EDARADD: variants seen among roughly 807,000 people sequenced by gnomAD.
The protein encoded by EDARADD is ectodysplasin-A receptor-associated adapter protein.
In EDARADD, 20 loss-of-function variants were observed where a neutral mutation model predicts 25.6. The ratio of observed to expected loss-of-function variants is 0.78; its 90% CI spans 0.55 to 1.14. The LOEUF is 1.14. EDARADD is among the 50% of genes most tolerant of loss of function. The probability of loss-of-function intolerance (pLI) is 0.00; values close to 1 mark genes in which losing one functional copy is unlikely to be tolerated. For missense variants in EDARADD, 225 were observed against 270.1 expected, an observed-to-expected ratio of 0.83 and a Z score of 1.17; for synonymous variants, 86 against 94.4, an observed-to-expected ratio of 0.91 and a Z score of 0.52.
intron 3 of EDARADD, among the ~76,000 whole-genome samples, chr1:236,422,691 G>A (rs1318483056): frequency 2.0e-5 from 3 of 152,138 alleles, no homozygotes; most frequent in African/African-American, 7.2e-5. Context: ...TGCTTTGAAG[G>A]GGCTCCCCAG....
At chr1:236,364,796 C>T (rs867809655) in intron 3 of EDARADD, among the ~76,000 whole-genome samples, 1 of 152,298 alleles carries the variant, frequency 6.6e-6, no homozygotes, top group Non-Finnish European at 1.5e-5. Context: ...TTTGTAGAAT[C>T]TATCACATTT....
intron 3 of EDARADD, among the ~76,000 whole-genome samples, chr1:236,357,872 T>A (rs932752635): frequency 5.8e-4 from 82 of 140,800 alleles, no homozygotes; most frequent in East Asian, 1.7e-3. Flanking sequence ...AACTTTATTT[T>A]ATTTAATTTT....
At chr1:236,439,528 C>A (rs1379914269) in intron 4 of EDARADD, among the ~76,000 whole-genome samples, 1 of 152,134 alleles carries the variant, frequency 6.6e-6, no homozygotes, top group East Asian at 1.9e-4. Flanking sequence ...TGTCAGTGTT[C>A]TGGATTTTAG....
At chr1:236,418,079 G>A (rs1383915070) in intron 3 of EDARADD, among the ~76,000 whole-genome samples, 1 of 151,318 alleles carries the variant, frequency 6.6e-6, no homozygotes, top group African/African-American at 2.4e-5. Flanking sequence ...TCAGCCTCCC[G>A]AATAGCTGGG....
chr1:236,401,538 T>A (rs570749247), intron 1 of EDARADD, among the ~76,000 whole-genome samples: 2 of 152,232 alleles, frequency 1.3e-5, no homozygotes, highest in African/African-American at 2.4e-5. Flanking sequence ...TTGCATACAG[T>A]ACGTGTTTCC....
intron 3 of EDARADD, among the ~76,000 whole-genome samples, chr1:236,370,907 C>T (rs1347700508): frequency 6.6e-6 from 1 of 152,178 alleles, no homozygotes; most frequent in Non-Finnish European, 1.5e-5. Context: ...AAACTATAAA[C>T]TAAGTTTCTT....
At chr1:236,353,010 TAAA>T (rs71559946) in intron 3 of EDARADD, among the ~76,000 whole-genome samples, 23,338 of 148,798 alleles carry the variant, frequency 0.16, 2,306 homozygotes, top group East Asian at 0.43. Flanking sequence ...ACTCCGTCTC[TAAA>T]AAAAAAACAA....
At chr1:236,388,883 G>A (rs1667388136) in intron 3 of EDARADD, among the ~76,000 whole-genome samples, 1 of 152,188 alleles carries the variant, frequency 6.6e-6, no homozygotes, top group Non-Finnish European at 1.5e-5. Flanking sequence ...TTACCAGTCT[G>A]AGCCTGTGTT....
chr1:236,361,634 T>TA (rs1187799104), intron 3 of EDARADD, among the ~76,000 whole-genome samples: 8 of 141,474 alleles, frequency 5.7e-5, no homozygotes, highest in Admixed American at 2.2e-4. Context: ...ACAGCCAAAT[T>TA]TTATATATAT....
rs139202506 is a variant in EDARADD, at chr1:236,358,917, G to A, written c.-6+8078G>A. Among the ~76,000 whole-genome samples the A allele has an allele frequency of 6.9e-3, 1,052 of 152,260 alleles. 12 individuals are homozygous for A. The highest frequency in any genetic ancestry group is 0.024 in the African/African-American group (998 of 41,548). ...TGATCCAGAGCTGAGTTCATGTCCT[G>A]AATACCTTTGTTAATTTTCTGTCTT... On this transcript the variant is annotated intron_variant, in intron 3 of 7. Transcript: ENST00000439430.
intron 4 of EDARADD, among the ~76,000 whole-genome samples, chr1:236,431,246 T>C (rs1252452119): frequency 6.6e-6 from 1 of 152,206 alleles, no homozygotes; most frequent in Non-Finnish European, 1.5e-5. Flanking sequence ...TTATTTGAGC[T>C]TCCTTTTTCG....
chr1:236,467,383 G>A (rs928263810), intron 4 of EDARADD, among the ~76,000 whole-genome samples: 5 of 150,594 alleles, frequency 3.3e-5, no homozygotes, highest in Admixed American at 2.7e-4. Flanking sequence ...AGGTGTACTG[G>A]GACTGGTCTC....
At position 236,468,224 on chromosome 1, in the gene EDARADD, T is replaced by A; in HGVS notation, c.220-7T>A. On this transcript the variant is annotated splice_region_variant and splice_polypyrimidine_tract_variant and intron_variant, in intron 4 of 5. Coordinates refer to ENST00000334232, the MANE Select transcript of EDARADD (RefSeq NM_145861.4). ...GATTTTAATGAAGGTTGCTTTTTGG[T>A]TTTTAGGGAGAAGAAAATGGCTTTC... 1 of 1,613,520 alleles carries A rather than the reference T, an allele frequency of 6.2e-7. No individual in the cohort carries two copies. The highest frequency in any genetic ancestry group is 8.5e-7 in the Non-Finnish European group (1 of 1,179,490).
chr1:236,377,474 T>A (rs1667236694), intron 3 of EDARADD, among the ~76,000 whole-genome samples: 1 of 149,432 alleles, frequency 6.7e-6, no homozygotes, highest in African/African-American at 2.4e-5. Flanking sequence ...AACAAATTAA[T>A]AATAGTTATT....
chr1:236,382,738 G>T (rs1020351349), intron 3 of EDARADD, among the ~76,000 whole-genome samples: 36 of 152,106 alleles, frequency 2.4e-4, no homozygotes, highest in African/African-American at 8.7e-4. Context: ...ACCCTTTTGT[G>T]TACTCTACCA....
chr1:236,376,313 A>G (rs1465653886), intron 3 of EDARADD, among the ~76,000 whole-genome samples: 1 of 152,090 alleles, frequency 6.6e-6, no homozygotes, highest in African/African-American at 2.4e-5. Flanking sequence ...TTTTCCTTTA[A>G]AGAACTTCTT....
Position 236,414,476 on chromosome 1 carries a change from A to G in EDARADD, c.160+177A>G, listed in dbSNP as rs866858228. Among the ~76,000 whole-genome samples the G allele has an allele frequency of 1.3e-5, 2 of 152,086 alleles. 1 individual carries two copies. The highest frequency in any genetic ancestry group is 4.8e-5 in the African/African-American group (2 of 41,384). The stretch of plus-strand genomic sequence containing the variant: ...TTAATTTTTTTCTTTTTTAAATAGT[A>G]TCTTTTAACCTTGCAATAGAAATGA... On this transcript the variant is annotated intron_variant, in intron 3 of 5. Coordinates refer to ENST00000334232, the MANE Select transcript of EDARADD (RefSeq NM_145861.4).
chr1:236,467,441 C>CACACAT (rs1659233556), intron 4 of EDARADD, among the ~76,000 whole-genome samples: 1 of 151,500 alleles, frequency 6.6e-6, no homozygotes, highest in African/African-American at 2.4e-5. Flanking sequence ...CACACACACA[C>CACACAT]ACACACACAC....
chr1:236,445,621 A>G (rs1315840180), intron 4 of EDARADD, among the ~76,000 whole-genome samples: 1 of 152,206 alleles, frequency 6.6e-6, no homozygotes, highest in Non-Finnish European at 1.5e-5. Context: ...GCCACTGGCC[A>G]GTGTCACAGG....
Sources: gnomAD v4.1 joint callset for allele counts (sites outside exome capture counted in the v4.1 genomes callset) on GRCh38, gnomAD v4.1.1 for gene constraint, MANE v1.5 for transcripts, NCBI Gene and HGNC (gene_info 2026-07-23, HGNC 2026-07-21) for gene names.